Variants in EPHA4 observed in about 807,000 individuals in gnomAD.
EPHA4 encodes EPH receptor A4.
EPHA4 carries 19 observed loss-of-function variants against 108.3 expected under a neutral mutation model. The ratio of observed to expected loss-of-function variants is 0.18; its 90% CI spans 0.12 to 0.26. The LOEUF (loss-of-function observed/expected upper bound fraction) is 0.26, where lower values mean the gene tolerates loss of function less well. Among genes scored for constraint, EPHA4 ranks in the 10% least tolerant of loss-of-function variants. EPHA4 has a pLI of 1.00. For synonymous variants in EPHA4, 449 were observed against 455.5 expected (o/e 0.99, Z 0.18); for missense variants, 917 against 1,254.0 (o/e 0.73, Z 4.06).
chr2:221,507,269 G>A (rs961819623), intron 3 of EPHA4, among the ~76,000 whole-genome samples: 1 of 152,126 alleles, frequency 6.6e-6, no homozygotes, highest in Admixed American at 6.5e-5. Flanking sequence ...TCTTGTCATC[G>A]CTGCAAATGA....
intron 5 of EPHA4, among the ~76,000 whole-genome samples, chr2:221,459,863 A>G (rs192667016): frequency 9.8e-5 from 15 of 152,332 alleles, no homozygotes; most frequent in Non-Finnish European, 2.1e-4. Context: ...TCATAAAATT[A>G]TAAAATGAAC....
At chr2:221,495,951 A>G (rs1692281309) in intron 4 of EPHA4, among the ~76,000 whole-genome samples, 1 of 152,216 alleles carries the variant, frequency 6.6e-6, no homozygotes, top group African/African-American at 2.4e-5. Context: ...AGACAGCATA[A>G]TGAACAAAGA....
At chr2:221,548,271 C>T (rs541500844) in intron 3 of EPHA4, among the ~76,000 whole-genome samples, 10 of 152,074 alleles carry the variant, frequency 6.6e-5, no homozygotes, top group African/African-American at 1.7e-4. Flanking sequence ...GCAGGGGAAT[C>T]GCTTGAACTG....
chr2:221,562,840 A>C (rs940591032), intron 3 of EPHA4, among the ~76,000 whole-genome samples: 6 of 152,336 alleles, frequency 3.9e-5, no homozygotes, highest in African/African-American at 1.2e-4. Context: ...AAAGCAAAGG[A>C]CTTTATACAC....
chr2:221,503,321 G>A (rs190043281), intron 3 of EPHA4, among the ~76,000 whole-genome samples: 3 of 152,274 alleles, frequency 2.0e-5, no homozygotes, highest in East Asian at 3.9e-4. Context: ...GTGGAAGATC[G>A]ACAAGGACAA....
chr2:221,477,046 TTTATTATTA>T (rs140420658), intron 5 of EPHA4, among the ~76,000 whole-genome samples: 20 of 149,010 alleles, frequency 1.3e-4, no homozygotes, highest in East Asian at 2.0e-4. Context: ...GCCACTTTAT[TTTATTATTA>T]TTATTATTAT....
chr2:221,491,637 CATG>C (rs1007456683), intron 4 of EPHA4, among the ~76,000 whole-genome samples: 9 of 152,158 alleles, frequency 5.9e-5, no homozygotes, highest in Admixed American at 3.3e-4. Context: ...CCCTGCCCTT[CATG>C]ATGATGATGG....
intron 4 of EPHA4, among the ~76,000 whole-genome samples, chr2:221,491,359 A>G (rs1574607441): frequency 6.6e-6 from 1 of 152,214 alleles, no homozygotes. Context: ...CTGCAATCAA[A>G]TCTGACAGAA....
In EPHA4 at chr2:221,497,477, G is replaced by A. The variant is rs139184199; in HGVS notation, c.979+3540C>T. 3.4e-3 allele frequency among the ~76,000 whole-genome samples: 511 copies of A among 152,304 alleles called. 5 individuals are homozygous for A. Among genetic ancestry groups the A allele is most frequent in the African/African-American group, 0.012 (491 of 41,564 alleles). ...CACAAGGCTGAGTGCAATGGCTCAC[G>A]CCTGTAATCCCAGCACTTTGAGAAG... is the stretch of plus-strand genomic sequence containing the variant. On this transcript the variant is annotated intron_variant, in intron 4 of 17. Transcript: ENST00000281821.
Position 221,522,854 on chromosome 2 carries a change from G to T in EPHA4, c.824-21682C>A, listed in dbSNP as rs530357840. Reference sequence around the variant, plus strand: ...CTCGGCTCACTGCAACCCAACCTCTGCCTCCCAGGTTCAAGTGATTCTTTT... The same window carrying T: ...CTCGGCTCACTGCAACCCAACCTCTTCCTCCCAGGTTCAAGTGATTCTTTT... On this transcript the variant is annotated intron_variant, in intron 3 of 17. Transcript: ENST00000281821. Among the ~76,000 whole-genome samples, 505 of 151,776 alleles carry T rather than the reference G, an allele frequency of 3.3e-3. 2 individuals are homozygous for T. Among genetic ancestry groups the T allele is most frequent in the African/African-American group, 0.011 (474 of 41,384 alleles).
rs143416913 is a variant in EPHA4, at chr2:221,572,165, C to T, written c.84G>A (p.Ala28=). The T allele has an allele frequency of 2.5e-6, 4 of 1,613,612 alleles. No individual in the cohort carries two copies. Among genetic ancestry groups the T allele is most frequent in the Non-Finnish European group, 2.5e-6 (3 of 1,179,624 alleles). Residue 28 remains alanine (A), a synonymous_variant, in exon 1 of 18, where the codon GCG becomes GCA. Coordinates refer to ENST00000281821, the MANE Select transcript of EPHA4 (RefSeq NM_004438.5). ...DAVTGSRVYP[A]NEVTLLDSRS... ...AGGCCGTCCCGCTCTTACCTTCATT[C>T]GCGGGGTATACCCTGGAACCTGTGA...
chr2:221,464,121 G>C (rs1413307047), intron 5 of EPHA4, among the ~76,000 whole-genome samples: 1 of 152,154 alleles, frequency 6.6e-6, no homozygotes, highest in Non-Finnish European at 1.5e-5. Flanking sequence ...GTGTTTGCAG[G>C]AGAGATGGCT....
chr2:221,460,264 G>T (rs1691097682), intron 5 of EPHA4, among the ~76,000 whole-genome samples: 1 of 152,166 alleles, frequency 6.6e-6, no homozygotes, highest in Non-Finnish European at 1.5e-5. Context: ...GAGACTGAAA[G>T]AGAAATGCAA....
At chr2:221,470,278 C>T (rs966735997) in intron 5 of EPHA4, among the ~76,000 whole-genome samples, 2 of 147,046 alleles carry the variant, frequency 1.4e-5, no homozygotes, top group Non-Finnish European at 3.0e-5. Flanking sequence ...GTGATGATCA[C>T]GGACAGTATA....
At chr2:221,531,242 T>C (rs1025537422) in intron 3 of EPHA4, among the ~76,000 whole-genome samples, 10 of 152,208 alleles carry the variant, frequency 6.6e-5, no homozygotes, top group African/African-American at 2.4e-4. Flanking sequence ...ATGTTTATAC[T>C]GGTAGGTTTA....
At chr2:221,541,065 G>A (rs1559285999) in intron 3 of EPHA4, among the ~76,000 whole-genome samples, 1 of 151,192 alleles carries the variant, frequency 6.6e-6, no homozygotes, top group Non-Finnish European at 1.5e-5. Flanking sequence ...TCCCGCCTCA[G>A]CCTCCTGAGT....
At chr2:221,437,230 C>G (rs1370619415) in intron 11 of EPHA4, 108 bp from the exon 12 acceptor site, 1 of 754,590 alleles carries the variant, frequency 1.3e-6, no homozygotes, top group Non-Finnish European at 2.2e-6. Flanking sequence ...CTTGTGTGAT[C>G]TAATTTAATT....
At chr2:221,494,372 G>A (rs1574609868) in intron 4 of EPHA4, among the ~76,000 whole-genome samples, 1 of 152,338 alleles carries the variant, frequency 6.6e-6, no homozygotes, top group East Asian at 1.9e-4. Flanking sequence ...GGGAGGCCTA[G>A]GCGGGCGGAT....
At chr2:221,482,286 T>C (rs1022495230) in intron 5 of EPHA4, 66 bp downstream of exon 5, 3 of 1,341,546 alleles carry the variant, frequency 2.2e-6, no homozygotes, top group Non-Finnish European at 3.1e-6. Context: ...TTTATTATAA[T>C]TCATTATTTT....
Sources: allele counts gnomAD v4.1 joint callset (sites outside exome capture counted in the v4.1 genomes callset), GRCh38; gene constraint gnomAD v4.1.1; transcripts MANE v1.5; gene names NCBI Gene and HGNC (gene_info 2026-07-23, HGNC 2026-07-21).